The following RP1L1 variants were observed in gnomAD, a reference collection of about 807,000 sequenced individuals.
The protein encoded by RP1L1 is retinitis pigmentosa 1-like 1 protein.
RP1L1 carries 27 observed loss-of-function variants against 15.7 expected under a neutral mutation model. That is an observed-to-expected ratio of 1.72 (90% CI 1.27 to 2.38). The LOEUF (loss-of-function observed/expected upper bound fraction) is 2.38, where lower values mean the gene tolerates loss of function less well. RP1L1 is among the 30% of genes most tolerant of loss of function. The pLI, the probability that RP1L1 is intolerant of heterozygous loss-of-function variation, is 0.00. For missense variants in RP1L1, 4,798 were observed against 3,075.9 expected, an observed-to-expected ratio of 1.56 and a Z score of -13.24; for synonymous variants, 1,813 against 1,276.7, an observed-to-expected ratio of 1.42 and a Z score of -8.96.
At chr8:10,615,331 T>A (rs1040282119) in intron 3 of RP1L1, among the ~76,000 whole-genome samples, 3 of 152,190 alleles carry the variant, frequency 2.0e-5, no homozygotes, top group Non-Finnish European at 4.4e-5. Flanking sequence ...TGTGTAGTTT[T>A]AAAAAAATAA....
rs762473650 is a variant in RP1L1, at chr8:10,610,750, C to A, written c.3348G>T (p.Gly1116=). 2 of 1,613,422 alleles carry A rather than the reference C, an allele frequency of 1.2e-6. No individual in the cohort carries two copies. The highest frequency in any genetic ancestry group is 8.5e-7 in the Non-Finnish European group (1 of 1,180,032). Residue 1116 remains glycine (G), a synonymous_variant, in exon 4 of 4, where the codon GGG becomes GGT. Transcript: ENST00000382483. ...PMARRLSCSA[G]ALITCLASLQ... ...GACTGGCCAGACAAGTAATGAGGGC[C>A]CCGGCTGAGCAGCTGAGCCTCCTGG...
intron 1 of RP1L1, among the ~76,000 whole-genome samples, chr8:10,651,469 C>T (rs1424523038): frequency 6.6e-6 from 1 of 152,176 alleles, no homozygotes; most frequent in Non-Finnish European, 1.5e-5. Flanking sequence ...TGGCTAACGT[C>T]TGTAATCCCA....
Position 10,610,181 on chromosome 8 carries a change from G to C in RP1L1, c.3917C>G (p.Thr1306Ser), listed in dbSNP as rs769657168. The change falls in exon 4 of 4, where the codon ACT becomes AGT. Residue 1306 changes from threonine (T) to serine (S), a missense_variant. Transcript: ENST00000382483. ...CCCTTCTCCTTCTGTTCCTTCTTTA[G>C]TTTCCTCTAATTGCACCTCTTCTTG... is the stretch of plus-strand genomic sequence containing the variant. Reference protein sequence around the residue: ...TVQEEVQLEETKEGTEGEGLQ... With the variant: ...TVQEEVQLEESKEGTEGEGLQ... 13 of 1,168,292 alleles carry C rather than the reference G, an allele frequency of 1.1e-5. No homozygotes were observed. The highest frequency in any genetic ancestry group is 2.2e-5 in the African/African-American group (1 of 45,494). The allele number at this position is 1,168,292 out of a possible 1,614,324, so 72.4% of individuals were successfully genotyped here.
At position 10,610,339 on chromosome 8, in the gene RP1L1, T is replaced by C. The variant is rs369850010; in HGVS notation, c.3759A>G (p.Gln1253=). The part of the protein sequence containing the change: ...TYESPGDLEN[Q]QQCCFPTFLN... ...AGAAGGTTGGGAAACAACACTGCTG[T>C]TGGTTTTCCAGATCCCCTGGGCTCT... Residue 1253 remains glutamine, a synonymous_variant, in exon 4 of 4, where the codon CAA becomes CAG. Coordinates refer to ENST00000382483, the MANE Select transcript of RP1L1 (RefSeq NM_178857.6). 76 of 1,614,160 alleles carry C rather than the reference T, an allele frequency of 4.7e-5. 1 individual carries two copies. In the East Asian group the frequency reaches 5.3e-4, roughly 11 times the overall value.
rs141205444 is a variant in RP1L1, at chr8:10,610,115, T to A, written c.3983A>T (p.Glu1328Val). Residue 1328 changes from glutamate (E) to valine (V), a missense_variant, in exon 4 of 4, where the codon GAA becomes GTA. Glu to Val is a moderately radical substitution (Grantham distance 121). Coordinates refer to ENST00000382483, the MANE Select transcript of RP1L1 (RefSeq NM_178857.6). ...CACCCCCTCTTCTTGCAGCCCTTCT[T>A]CTGTTTTAGTTTCCTCTAACTGCAC... is the stretch of plus-strand genomic sequence containing the variant. ...EAVQLEETKT[E>V]EGLQEEGVQL... 51,867 of 1,001,610 alleles carry A rather than the reference T, an allele frequency of 0.052. 3,123 individuals carry two copies. The highest frequency in any genetic ancestry group is 0.067 in the South Asian group (4,691 of 70,250). 62.0% of individuals were successfully genotyped at this position (1,001,610 alleles called of 1,614,324 possible).
chr8:10,628,971 G>A (rs779298429), intron 1 of RP1L1, among the ~76,000 whole-genome samples: 2 of 152,244 alleles, frequency 1.3e-5, no homozygotes, highest in African/African-American at 4.8e-5. Flanking sequence ...GTGCAGCCTC[G>A]TCAGAGCTCC....
At chr8:10,653,952 T>C (rs1435380024) in intron 1 of RP1L1, among the ~76,000 whole-genome samples, 1 of 152,186 alleles carries the variant, frequency 6.6e-6, no homozygotes, top group East Asian at 1.9e-4. Flanking sequence ...GCAGTGTCTT[T>C]GCTCCTTTTC....
Position 10,612,133 on chromosome 8 carries a change from G to T in RP1L1, c.1965C>A (p.Gly655=), listed in dbSNP as rs769633776. The change falls in exon 4 of 4, where the codon GGC becomes GGA. Residue 655 remains glycine, a synonymous_variant. Coordinates refer to ENST00000382483, the MANE Select transcript of RP1L1 (RefSeq NM_178857.6). ...GGCCTCTCGGGGCCACTCGGCCAAG[G>T]CCAGGGCTGCTGGGTGAGGACATTG... ...ASAMSSPSSP[G]LGRVAPRGHP... is the part of the protein sequence containing the mutation. 6.2e-7 allele frequency: 1 copy of T among 1,613,636 alleles called. No individual in the cohort carries two copies. The highest frequency in any genetic ancestry group is 8.5e-7 in the Non-Finnish European group (1 of 1,180,040).
chr8:10,612,460 G>A lies in RP1L1; in HGVS notation c.1638C>T (p.Ser546=), dbSNP rs756974342. Residue 546 remains serine, a synonymous_variant, in exon 4 of 4, where the codon AGC becomes AGT. Coordinates refer to ENST00000382483, the MANE Select transcript of RP1L1 (RefSeq NM_178857.6). Reference sequence around the variant, plus strand: ...AGCCCTGGGGCCGCCCACCCCATTCGCTGGATCCCTCATGAGAGCCGGTGC... The same window carrying A: ...AGCCCTGGGGCCGCCCACCCCATTCACTGGATCCCTCATGAGAGCCGGTGC... ...SASTGSHEGS[S]EWGGRPQGCP... is the part of the protein sequence containing the mutation. 16 of 1,612,482 alleles carry A rather than the reference G, an allele frequency of 9.9e-6. No individual in the cohort carries two copies. The highest frequency in any genetic ancestry group is 2.7e-5 in the African/African-American group (2 of 74,930).
rs1797914582 is a variant in RP1L1 at position 10,613,463 on chromosome 8, C to T, written c.752-117G>A. The stretch of plus-strand genomic sequence containing the variant: ...CCCACGACCTCAGCATCACCACTGC[C>T]TCCAAAATGCACGGTGACAGCTGTG... On this transcript the variant is annotated intron_variant, in intron 3 of 3. Coordinates refer to ENST00000382483, the MANE Select transcript of RP1L1 (RefSeq NM_178857.6). The T allele has an allele frequency of 2.1e-6, 3 of 1,412,566 alleles. No individual in the cohort carries two copies. The African/African-American group carries it at 4.3e-5, about 20-fold the overall frequency. The allele number at this position is 1,412,566 out of a possible 1,614,324, so 87.5% of individuals were successfully genotyped here.
At chr8:10,632,681 C>T (rs1167591643) in intron 1 of RP1L1, among the ~76,000 whole-genome samples, 1 of 152,214 alleles carries the variant, frequency 6.6e-6, no homozygotes, top group Non-Finnish European at 1.5e-5. Flanking sequence ...TGCACAGCAC[C>T]TTGTAGGTGC....
At chr8:10,616,899 A>T (rs1431577929) in intron 2 of RP1L1, among the ~76,000 whole-genome samples, 1 of 152,182 alleles carries the variant, frequency 6.6e-6, no homozygotes, top group Non-Finnish European at 1.5e-5. Flanking sequence ...ATTTCTGCCC[A>T]CATGTCCACC....
chr8:10,621,818 A>G (rs1332404293), intron 2 of RP1L1: 1 of 476,810 alleles, frequency 2.1e-6, no homozygotes, highest in South Asian at 1.5e-5. Context: ...GAACTCAATA[A>G]TCATAGTGGC....
In RP1L1 at chr8:10,607,701, C is replaced by T. The variant is rs1300282673; in HGVS notation, c.6397G>A (p.Glu2133Lys). The stretch of plus-strand genomic sequence containing the variant: ...GCCTCCCCTTCAGCCTCTGGGGCCT[C>T]TATACCTTCTGACTCTGGCTGGGCC... ...GEAQPESEGI[E>K]APEAEGEAQP... The change falls in exon 4 of 4, where the codon GAG becomes AAG. Residue 2133 changes from glutamate (E) to lysine (K), a missense_variant. By Grantham distance (56) the Glu-to-Lys change is moderately conservative. Coordinates refer to ENST00000382483, the MANE Select transcript of RP1L1 (RefSeq NM_178857.6). 1 of 1,608,734 alleles carries T rather than the reference C, an allele frequency of 6.2e-7. No homozygotes were observed. Among genetic ancestry groups the T allele is most frequent in the Admixed American group, 1.7e-5 (1 of 59,624 alleles).
Position 10,607,583 on chromosome 8 carries a change from T to A in RP1L1, c.6515A>T (p.Glu2172Val). Residue 2172 changes from glutamate (E) to valine (V), a missense_variant, in exon 4 of 4, where the codon GAG becomes GTG. Physicochemically the swap from Glu to Val is moderately radical, Grantham distance 121. Coordinates refer to ENST00000382483, the MANE Select transcript of RP1L1 (RefSeq NM_178857.6). ...EGIEAQEAEE[E>V]AQPELEGVEA... is the part of the protein sequence containing the mutation. ...TACACCTTCTAACTCTGGTTGGGCC[T>A]CCTCTTCAGCCTCCTGGGCCTCTAT... The A allele has an allele frequency of 6.4e-7, 1 of 1,565,234 alleles. No individual in the cohort carries two copies. The highest frequency in any genetic ancestry group is 8.7e-7 in the Non-Finnish European group (1 of 1,145,982).
Position 10,611,530 on chromosome 8 carries a change from CG to C in RP1L1, c.2567del (p.Pro856ArgfsTer73). On this transcript the variant is annotated frameshift_variant, in exon 4 of 4. Transcript: ENST00000382483. LOFTEE classifies it low-confidence loss of function (END_TRUNC). ...SWLCGRYCPT[P>X]PRGRPCPQRR... ...TCTGGGGGCAGGGCCGCCCCCTGGG[CG>C]GGGTGGGACAGTACCTGCCACACAG... 1 of 1,584,490 alleles carries C rather than the reference CG, an allele frequency of 6.3e-7. No homozygotes were observed. Among genetic ancestry groups the C allele is most frequent in the African/African-American group, 1.3e-5 (1 of 74,648 alleles).
intron 1 of RP1L1, among the ~76,000 whole-genome samples, chr8:10,652,317 C>T (rs1798574432): frequency 6.6e-6 from 1 of 152,126 alleles, no homozygotes; most frequent in South Asian, 2.1e-4. Flanking sequence ...GAACTTAGGG[C>T]CCCAGCTAAC....
Position 10,622,792 on chromosome 8 carries a change from T to C in RP1L1, c.410A>G (p.Glu137Gly), listed in dbSNP as rs1798085298. The change falls in exon 2 of 4, where the codon GAA becomes GGA. Residue 137 changes from glutamate (E) to glycine (G), a missense_variant. By Grantham distance (98) the Glu-to-Gly change is moderately conservative. Transcript: ENST00000382483. ...QQLRDVEGQR[E>G]APGTSSSRKS... ...CCGGGAGGAGGAGGTGCCTGGGGCT[T>C]CACGCTGGCCTTCGACATCCCGCAA... 6.2e-7 allele frequency: 1 copy of C among 1,613,948 alleles called. No individual in the cohort carries two copies. Among genetic ancestry groups the C allele is most frequent in the Non-Finnish European group, 8.5e-7 (1 of 1,179,924 alleles).
chr8:10,612,703 C>G lies in RP1L1; in HGVS notation c.1395G>C (p.Ser465=). The G allele has an allele frequency of 6.2e-7, 1 of 1,603,788 alleles. No individual in the cohort carries two copies. Among genetic ancestry groups the G allele is most frequent in the Non-Finnish European group, 8.5e-7 (1 of 1,178,416 alleles). The part of the protein sequence containing the change: ...PASSTGLPEG[S]EPESSCCPRT... ...TGGGGCAGCAGGAGGACTCTGGCTC[C>G]GAGCCCTCGGGGAGGCCGGTGCTGG... Residue 465 remains serine, a synonymous_variant, in exon 4 of 4, where the codon TCG becomes TCC. Coordinates refer to ENST00000382483, the MANE Select transcript of RP1L1 (RefSeq NM_178857.6).
Sources: gnomAD v4.1 joint callset for allele counts (sites outside exome capture counted in the v4.1 genomes callset) on GRCh38, gnomAD v4.1.1 for gene constraint, MANE v1.5 for transcripts, NCBI Gene and HGNC (gene_info 2026-07-23, HGNC 2026-07-21) for gene names.